The following CACNA1C variants were observed in gnomAD, a reference collection of about 807,000 sequenced individuals.
CACNA1C encodes the protein calcium voltage-gated channel subunit alpha1 C, also known as voltage-dependent L-type calcium channel subunit alpha-1C.
Under a neutral mutation model 229.0 loss-of-function variants are expected in CACNA1C, and 30 were observed. The observed-to-expected ratio is 0.13, with a 90% CI of 0.10 to 0.18. CACNA1C has a LOEUF of 0.18. Ranked by LOEUF, CACNA1C falls within the 10% of genes least tolerant of loss-of-function variation. CACNA1C has a pLI of 1.00. For synonymous variants in CACNA1C, 1,114 were observed against 1,132.5 expected, an observed-to-expected ratio of 0.98 and a Z score of 0.33; for missense variants, 1,658 against 2,845.0, an observed-to-expected ratio of 0.58 and a Z score of 9.49.
chr12:1,991,499 A>G (rs2039403278), intron 1 of CACNA1C: 3 of 240,138 alleles, frequency 1.2e-5, no homozygotes, highest in Non-Finnish European at 2.5e-5. Context: ...TATCCAAAAT[A>G]TTGTCATTTC....
At chr12:2,097,074 A>G (rs1028589435) in intron 1 of CACNA1C, among the ~76,000 whole-genome samples, 1 of 152,220 alleles carries the variant, frequency 6.6e-6, no homozygotes, top group African/African-American at 2.4e-5. Context: ...CTCGCCTTCA[A>G]TTCTTTTGGG....
At chr12:1,976,158 C>CAA (rs1378526197) in intron 1 of CACNA1C, among the ~76,000 whole-genome samples, 1 of 152,042 alleles carries the variant, frequency 6.6e-6, no homozygotes, top group Admixed American at 6.6e-5. Flanking sequence ...TGACAGAGAA[C>CAA]AAAAAAGTCA....
At chr12:2,388,845 G>A (rs537956166) in intron 3 of CACNA1C, among the ~76,000 whole-genome samples, 20 of 152,330 alleles carry the variant, frequency 1.3e-4, no homozygotes, top group African/African-American at 4.6e-4. Context: ...GGTCCATGTT[G>A]GGTTTGTGGA....
At chr12:2,072,084 G>A (rs772433073) in intron 1 of CACNA1C, among the ~76,000 whole-genome samples, 13 of 151,870 alleles carry the variant, frequency 8.6e-5, no homozygotes, top group Non-Finnish European at 1.9e-4. Context: ...ACCTCTGCTT[G>A]GCTTGTTAAA....
At chr12:2,446,984 CTT>C (rs1287363754) in intron 3 of CACNA1C, among the ~76,000 whole-genome samples, 1 of 152,138 alleles carries the variant, frequency 6.6e-6, no homozygotes, top group Admixed American at 6.5e-5. Context: ...CTTTCCTGTG[CTT>C]TCTTTCCCAT....
intron 1 of CACNA1C, among the ~76,000 whole-genome samples, chr12:2,097,177 G>A (rs919657809): frequency 4.6e-5 from 7 of 151,930 alleles, no homozygotes; most frequent in Non-Finnish European, 7.4e-5. Flanking sequence ...ATGGAGTCTT[G>A]CTCTGTCACC....
In CACNA1C at chr12:2,651,670, A is replaced by G. The variant is rs1164784884; in HGVS notation, c.3976A>G (p.Thr1326Ala). The change falls in exon 32 of 47, where the codon ACC becomes GCC. Residue 1326 changes from threonine (T) to alanine (A), a missense_variant. Thr to Ala is a moderately conservative substitution (Grantham distance 58, BLOSUM62 0). This residue lies in a region of CACNA1C where 38 missense variants were observed against 53.3 expected (regional missense o/e 0.71). Transcript: ENST00000399655. This position sits in a 1 kb window ranked among gnomAD's most constrained non-coding sequence, Gnocchi z 5.4. ...AGAGGAAAACTCCCGCATCTCCATC[A>G]CCTTCTTCCGCCTGTTCCGGGTCAT... ...NAEENSRISI[T>A]FFRLFRVMRL... 1.9e-6 allele frequency: 3 copies of G among 1,612,626 alleles called. No homozygotes were observed. Among genetic ancestry groups the G allele is most frequent in the Non-Finnish European group, 2.5e-6 (3 of 1,179,474 alleles).
chr12:2,279,046 A>G (rs2090069912), intron 3 of CACNA1C, among the ~76,000 whole-genome samples: 1 of 152,176 alleles, frequency 6.6e-6, no homozygotes, highest in Admixed American at 6.5e-5. Context: ...TTGGTGAAGT[A>G]TCTGTTCATA....
chr12:1,974,215 C>T (rs1430286456), intron 1 of CACNA1C, among the ~76,000 whole-genome samples: 1 of 152,172 alleles, frequency 6.6e-6, no homozygotes, highest in Non-Finnish European at 1.5e-5. Context: ...ATAATTATCA[C>T]TTCCTGGAAT....
At chr12:2,055,307 T>G (rs2054245033) in intron 1 of CACNA1C, among the ~76,000 whole-genome samples, 2 of 152,336 alleles carry the variant, frequency 1.3e-5, no homozygotes, top group South Asian at 4.1e-4. Context: ...CCCCTCCAGG[T>G]TCTGAGACTG....
At chr12:2,447,988 G>A (rs571579891) in intron 3 of CACNA1C, among the ~76,000 whole-genome samples, 1 of 152,364 alleles carries the variant, frequency 6.6e-6, no homozygotes, top group Admixed American at 6.5e-5. Context: ...TGAGGCTTCT[G>A]CAGAGGCGAG....
intron 3 of CACNA1C, among the ~76,000 whole-genome samples, chr12:2,314,752 C>G (rs544652737): frequency 9.9e-5 from 15 of 152,156 alleles, no homozygotes; most frequent in African/African-American, 3.6e-4. Context: ...CACGGTGTTT[C>G]TACCCATTCT....
chr12:2,311,640 T>C (rs1310708771), intron 3 of CACNA1C, among the ~76,000 whole-genome samples: 1 of 152,208 alleles, frequency 6.6e-6, no homozygotes, highest in Non-Finnish European at 1.5e-5. Context: ...TTCCGCGATA[T>C]GTCAGACGTC....
rs1159015785 is a variant in CACNA1C, at chr12:2,403,999, C to G, written c.478-44977C>G. 1.3e-5 allele frequency among the ~76,000 whole-genome samples: 2 copies of G among 152,224 alleles called. No homozygotes were observed. Among genetic ancestry groups the G allele is most frequent in the Non-Finnish European group, 2.9e-5 (2 of 68,042 alleles). On this transcript the variant is annotated intron_variant, in intron 3 of 46. Coordinates refer to ENST00000399655, the MANE Select transcript of CACNA1C (RefSeq NM_000719.7). The surrounding 1 kb of genome is among the most constrained non-coding windows in gnomAD (Gnocchi z 4.1). ...TGTGTACCAGGGCACACTGTGGGCT[C>G]CGTCCAGCCAGGCAGGGCCTGGACT...
intron 11 of CACNA1C, among the ~76,000 whole-genome samples, chr12:2,558,419 C>G (rs2045691338): frequency 6.6e-6 from 1 of 152,360 alleles, no homozygotes; most frequent in East Asian, 1.9e-4. Context: ...ATCTCCACCT[C>G]TGCTCTCTGA....
intron 3 of CACNA1C, among the ~76,000 whole-genome samples, chr12:2,187,274 G>A (rs1252292055): frequency 6.6e-6 from 1 of 152,218 alleles, no homozygotes; most frequent in Non-Finnish European, 1.5e-5. Flanking sequence ...GGTGGAGCTA[G>A]GACCCAGTCG....
In CACNA1C at chr12:2,045,736, C is replaced by T. The variant is rs139393377; in HGVS notation, c.140-69488C>T. Among the ~76,000 whole-genome samples, 429 of 152,128 alleles carry T rather than the reference C, an allele frequency of 2.8e-3. 3 individuals carry two copies. Among genetic ancestry groups the T allele is most frequent in the African/African-American group, 9.5e-3 (396 of 41,478 alleles). On this transcript the variant is annotated intron_variant, in intron 1 of 46. Transcript: ENST00000682462. ...AAGTGAAAATGGGTGAAGAAACATT[C>T]CTGTAGGTTAGGGTAGCGCAGTGGG...
rs1216140928 is a variant in CACNA1C at position 2,697,046 on chromosome 12, G to T, written c.*5847G>T. ...AAGAACTTGTACATCAAGGGAAGATGATTTGTAAACACACAGTCCTGTGCA... is the reference window on the plus strand; with the variant it reads ...AAGAACTTGTACATCAAGGGAAGATTATTTGTAAACACACAGTCCTGTGCA... On this transcript the variant is annotated 3_prime_UTR_variant, in exon 47 of 47. Transcript: ENST00000399655. 2.0e-5 allele frequency: 3 copies of T among 152,278 alleles called. No homozygotes were observed. Among genetic ancestry groups the T allele is most frequent in the African/African-American group, 7.2e-5 (3 of 41,460 alleles). The allele number at this position is 152,278 out of a possible 1,614,324, so 9.4% of individuals were successfully genotyped here.
At chr12:2,615,798 C>T (rs773065289) in intron 29 of CACNA1C, among the ~76,000 whole-genome samples, 1 of 152,166 alleles carries the variant, frequency 6.6e-6, no homozygotes, top group African/African-American at 2.4e-5. Flanking sequence ...GGTTTGCTGT[C>T]GAGGATGTCT....
Sources: gnomAD v4.1 joint callset for allele counts (sites outside exome capture counted in the v4.1 genomes callset) on GRCh38, gnomAD v4.1.1 for gene constraint, gnomAD v4.1.1 regional missense constraint, Gnocchi (gnomAD v3.1) non-coding constraint, MANE v1.5 for transcripts, NCBI Gene and HGNC (gene_info 2026-07-23, HGNC 2026-07-21) for gene names.